PEPD: variants seen among roughly 807,000 people sequenced by gnomAD.
PEPD encodes the protein peptidase D.
PEPD carries 53 observed loss-of-function variants against 60.7 expected under a neutral mutation model. The observed-to-expected ratio is 0.87, with a 90% CI of 0.70 to 1.10. The LOEUF is 1.10. Among genes scored for constraint, PEPD ranks in the 50% least tolerant of loss-of-function variants. PEPD has a pLI of 0.00. For missense variants in PEPD, 711 were observed against 711.9 expected (o/e 1.00, Z 0.01); for synonymous variants, 267 against 284.1 (o/e 0.94, Z 0.60).
rs545116221 is a variant in PEPD at position 33,480,564 on chromosome 19, A to C, written c.504-2474T>G. Reference sequence around the variant, plus strand: ...GTAATCGCAGCACTTTGGGAGGCCAAGGCGGGTGGATCACGAGGTCAGGAG... The same window carrying C: ...GTAATCGCAGCACTTTGGGAGGCCACGGCGGGTGGATCACGAGGTCAGGAG... On this transcript the variant is annotated intron_variant, in intron 6 of 14. Transcript: ENST00000244137. Among the ~76,000 whole-genome samples, 266 of 152,318 alleles carry C rather than the reference A, an allele frequency of 1.7e-3. 2 individuals carry two copies. Among genetic ancestry groups the C allele is most frequent in the African/African-American group, 6.3e-3 (260 of 41,570 alleles).
chr19:33,502,628 T>C (rs1254299762), intron 3 of PEPD, among the ~76,000 whole-genome samples: 1 of 152,068 alleles, frequency 6.6e-6, no homozygotes, highest in Non-Finnish European at 1.5e-5. Flanking sequence ...TCTGATTGGT[T>C]GCAGAAGTGA....
At chr19:33,440,866 C>G (rs1467813840) in intron 9 of PEPD, among the ~76,000 whole-genome samples, 2 of 152,152 alleles carry the variant, frequency 1.3e-5, no homozygotes, top group Non-Finnish European at 2.9e-5. Flanking sequence ...CGTGTGTAAT[C>G]CGGTGAGGGG....
At chr19:33,412,451 T>C (rs1362425049) in intron 10 of PEPD, among the ~76,000 whole-genome samples, 1 of 152,096 alleles carries the variant, frequency 6.6e-6, no homozygotes, top group African/African-American at 2.4e-5. Context: ...AGGGCCTCTA[T>C]GGAAAGGGCC....
chr19:33,423,907 G>A (rs1425915996), intron 9 of PEPD, among the ~76,000 whole-genome samples: 1 of 152,054 alleles, frequency 6.6e-6, no homozygotes, highest in Non-Finnish European at 1.5e-5. Context: ...ATCTTTTGTG[G>A]GCTTCCTGTT....
At chr19:33,506,158 C>G (rs1600170932) in intron 3 of PEPD, among the ~76,000 whole-genome samples, 1 of 147,556 alleles carries the variant, frequency 6.8e-6, no homozygotes, top group East Asian at 2.1e-4. Context: ...ACATTCACAC[C>G]CACCACACCC....
At chr19:33,411,814 T>C in intron 10 of PEPD, 65 bp from the exon 11 acceptor site, 1 of 975,470 alleles carries the variant, frequency 1.0e-6, no homozygotes. Context: ...AAGGAGGGGG[T>C]GGATGCTCGA....
At chr19:33,507,425 C>T (rs1970834299) in intron 3 of PEPD, among the ~76,000 whole-genome samples, 1 of 152,222 alleles carries the variant, frequency 6.6e-6, no homozygotes. Context: ...CATCCCAGAA[C>T]AGGCCTGGGG....
At chr19:33,455,450 G>A (rs140984117) in intron 9 of PEPD, among the ~76,000 whole-genome samples, 161 of 151,604 alleles carry the variant, frequency 1.1e-3, no homozygotes, top group Non-Finnish European at 1.8e-3. Context: ...CCTTAAACTC[G>A]TGATAAATAT....
At chr19:33,510,051 A>G (rs1970891236) in intron 3 of PEPD, among the ~76,000 whole-genome samples, 1 of 152,238 alleles carries the variant, frequency 6.6e-6, no homozygotes, top group Non-Finnish European at 1.5e-5. Flanking sequence ...ACCCTCAGGC[A>G]CGCACAGGGC....
rs563087048 is a variant in PEPD, at chr19:33,449,026, C to A, written c.671+13969G>T. On this transcript the variant is annotated intron_variant, in intron 9 of 14. Coordinates refer to ENST00000244137, the MANE Select transcript of PEPD (RefSeq NM_000285.4). ...CCCAGGGTTTCCCCACACTCCCCAA[C>A]CAAGACCCTGACGGGACAGAGGCCC... Among the ~76,000 whole-genome samples the A allele has an allele frequency of 2.6e-3, 400 of 152,320 alleles. 4 individuals are homozygous for A. The highest frequency in any genetic ancestry group is 5.9e-4 in the Non-Finnish European group (40 of 68,028).
Position 33,387,317 on chromosome 19 carries a change from C to G in PEPD, c.*27G>C, listed in dbSNP as rs1211182312. 4.3e-6 allele frequency: 7 copies of G among 1,613,138 alleles called. No individual in the cohort carries two copies. In the East Asian group the frequency reaches 1.6e-4, roughly 36 times the overall value. ...AAAAGAGGTTGCAAGGCCAGGCCCC[C>G]AGGTGCGCTGGGATTTCTGGCTGGC... On this transcript the variant is annotated 3_prime_UTR_variant, in exon 15 of 15. Coordinates refer to ENST00000244137, the MANE Select transcript of PEPD (RefSeq NM_000285.4).
intron 7 of PEPD, 115 bp from the exon 8 acceptor site, chr19:33,464,177 G>C: frequency 3.9e-6 from 3 of 767,650 alleles, no homozygotes; most frequent in Non-Finnish European, 6.9e-6. Context: ...AAGGCGTGTT[G>C]TGCAAGGCCA....
intron 11 of PEPD, among the ~76,000 whole-genome samples, chr19:33,410,220 G>A (rs1968732117): frequency 6.6e-6 from 1 of 152,234 alleles, no homozygotes; most frequent in Non-Finnish European, 1.5e-5. Flanking sequence ...CCCTACTGTG[G>A]CGGCATATGC....
chr19:33,397,947 G>A (rs1053803433), intron 12 of PEPD, among the ~76,000 whole-genome samples: 14 of 152,210 alleles, frequency 9.2e-5, no homozygotes, highest in African/African-American at 2.9e-4. Context: ...GTTGGGCCAG[G>A]GAGCTGGCCA....
intron 11 of PEPD, among the ~76,000 whole-genome samples, chr19:33,405,252 A>G (rs1194671380): frequency 6.6e-6 from 1 of 152,232 alleles, no homozygotes; most frequent in Admixed American, 6.5e-5. Flanking sequence ...CCGCCAGCCC[A>G]GAGGCAGAAG....
chr19:33,479,902 G>C (rs1346468752), intron 6 of PEPD, among the ~76,000 whole-genome samples: 2 of 152,176 alleles, frequency 1.3e-5, no homozygotes, highest in Non-Finnish European at 2.9e-5. Context: ...TGTGTTGTTA[G>C]AACAATTTAT....
At chr19:33,428,256 T>C (rs945436838) in intron 9 of PEPD, among the ~76,000 whole-genome samples, 2 of 152,140 alleles carry the variant, frequency 1.3e-5, no homozygotes, top group East Asian at 3.9e-4. Flanking sequence ...GATGCCGGGT[T>C]TCCTGATGTG....
At chr19:33,456,903 G>A (rs1188526351) in intron 9 of PEPD, among the ~76,000 whole-genome samples, 1 of 151,716 alleles carries the variant, frequency 6.6e-6, no homozygotes, top group Non-Finnish European at 1.5e-5. Flanking sequence ...AGGACCTCCC[G>A]GAGGAAGACG....
chr19:33,430,577 A>G (rs1568467576), intron 9 of PEPD, among the ~76,000 whole-genome samples: 1 of 152,130 alleles, frequency 6.6e-6, no homozygotes, highest in Non-Finnish European at 1.5e-5. Context: ...CCTCTGCATC[A>G]AAGGGTTTTT....
Sources: allele counts gnomAD v4.1 joint callset (sites outside exome capture counted in the v4.1 genomes callset), GRCh38; gene constraint gnomAD v4.1.1; transcripts MANE v1.5; gene names NCBI Gene and HGNC (gene_info 2026-07-23, HGNC 2026-07-21).